DGLUCY: variants seen among roughly 807,000 people sequenced by gnomAD.
DGLUCY encodes the protein D-glutamate cyclase, mitochondrial.
DGLUCY carries 58 observed loss-of-function variants against 58.5 expected under a neutral mutation model. The ratio of observed to expected loss-of-function variants is 0.99; its 90% confidence interval spans 0.80 to 1.23. The LOEUF is 1.23. Among genes scored for constraint, DGLUCY ranks in the 50% most tolerant of loss-of-function variants. DGLUCY has a pLI of 0.00. For missense variants in DGLUCY, 779 were observed against 784.7 expected (o/e 0.99, Z 0.09); for synonymous variants, 325 against 314.1 (o/e 1.03, Z -0.37).
At chr14:91,111,252 A>G (rs534382936), upstream of DGLUCY, among the ~76,000 whole-genome samples, 184 of 133,894 alleles carry the variant, frequency 1.4e-3, 6 homozygotes, top group East Asian at 0.022. Flanking sequence ...GTGTGTGTAT[A>G]TATCTATATA....
intron 1 of DGLUCY, among the ~76,000 whole-genome samples, chr14:91,138,545 AAG>A (rs2046469584): frequency 6.6e-6 from 1 of 152,240 alleles, no homozygotes; most frequent in African/African-American, 2.4e-5. Flanking sequence ...TTATAAAGGA[AAG>A]AGGTCTAATC....
chr14:91,189,274 GAAC>G, intron 9 of DGLUCY, 104 bp downstream of exon 9: 1 of 1,424,660 alleles, frequency 7.0e-7, no homozygotes, highest in Non-Finnish European at 9.6e-7. Flanking sequence ...TTCCAGCTCA[GAAC>G]AACTCCGTTG....
chr14:91,072,290 C>G (rs2043934627), intron 1 of DGLUCY, among the ~76,000 whole-genome samples: 3 of 151,082 alleles, frequency 2.0e-5, no homozygotes, highest in African/African-American at 7.3e-5. Context: ...CACCACTGCA[C>G]TCCAGCGTGA....
Position 91,188,976 on chromosome 14 carries a change from A to AT in DGLUCY, c.1002dup (p.Ala335CysfsTer17). On this transcript the variant is annotated frameshift_variant, in exon 9 of 14. Transcript: ENST00000256324. LOFTEE classifies it high-confidence loss of function. ...CTGAAGGCCTCTCTCTCGCTGTCCC[A>AT]TGCCCGCTCAGTGCTCATCACCACT... The AT allele has an allele frequency of 6.2e-7, 1 of 1,614,184 alleles. No homozygotes were observed. The highest frequency in any genetic ancestry group is 1.6e-4 in the Middle Eastern group (1 of 6,062).
chr14:91,203,631 C>CT (rs2050703250), intron 11 of DGLUCY, among the ~76,000 whole-genome samples: 1 of 151,970 alleles, frequency 6.6e-6, no homozygotes, highest in Non-Finnish European at 1.5e-5. Flanking sequence ...TCTACAGCAC[C>CT]ACCTCAAAGG....
intron 1 of DGLUCY, among the ~76,000 whole-genome samples, chr14:91,092,445 A>C (rs1005176526): frequency 2.0e-5 from 3 of 152,186 alleles, no homozygotes; most frequent in African/African-American, 7.2e-5. Context: ...AAATATGAAG[A>C]TCTCCCTATG....
rs769062151 is a variant in DGLUCY at position 91,181,167 on chromosome 14, C to T, written c.731-19C>T. 3 of 1,612,620 alleles carry T rather than the reference C, an allele frequency of 1.9e-6. No homozygotes were observed. The highest frequency in any genetic ancestry group is 1.3e-5 in the African/African-American group (1 of 74,868). ...TTGATGAAGTGGCTGGGCTCAGACC[C>T]TCCTGCTGTGTGTTTTAGAGACCCC... is the stretch of plus-strand genomic sequence containing the variant. On this transcript the variant is annotated intron_variant, in intron 7 of 13. Coordinates refer to ENST00000256324, the MANE Select transcript of DGLUCY (RefSeq NM_001102368.3).
chr14:91,133,470 G>A (rs189165362), intron 1 of DGLUCY, among the ~76,000 whole-genome samples: 6 of 152,150 alleles, frequency 3.9e-5, no homozygotes, highest in Non-Finnish European at 8.8e-5. Context: ...ATATCTGTTC[G>A]AATCTCTGCT....
intron 3 of DGLUCY, among the ~76,000 whole-genome samples, chr14:91,166,952 C>A (rs981718345): frequency 6.6e-6 from 1 of 152,042 alleles, no homozygotes; most frequent in Non-Finnish European, 1.5e-5. Flanking sequence ...AATAAATATC[C>A]CATGTATATT....
chr14:91,084,375 T>G (rs2044177187), intron 1 of DGLUCY, among the ~76,000 whole-genome samples: 1 of 151,958 alleles, frequency 6.6e-6, no homozygotes, highest in Non-Finnish European at 1.5e-5. Context: ...GGCTAATTTT[T>G]TATATTTTTG....
At position 91,181,227 on chromosome 14, in the gene DGLUCY, A is replaced by G; in HGVS notation, c.772A>G (p.Met258Val). Residue 258 changes from methionine to valine, a missense_variant, in exon 8 of 14, where the codon ATG (methionine) becomes GTG (valine). Physicochemically the swap from Met to Val is conservative, Grantham distance 21. Transcript: ENST00000256324. ...AFASIPGCTV[M>V]TDLKDAKAPP... ...TGCCAGCATCCCAGGCTGCACAGTTATGACTGACCTGAAGGATGCAAAGGC... is the reference window on the plus strand; with the variant it reads ...TGCCAGCATCCCAGGCTGCACAGTTGTGACTGACCTGAAGGATGCAAAGGC... The G allele has an allele frequency of 6.2e-7, 1 of 1,614,154 alleles. No homozygotes were observed.
chr14:91,196,358 T>C lies in DGLUCY; in HGVS notation c.1196-17T>C, dbSNP rs371416690. 3 of 1,610,964 alleles carry C rather than the reference T, an allele frequency of 1.9e-6. No homozygotes were observed. The Admixed American group carries it at 5.0e-5, about 27-fold the overall frequency. ...ACACTAGAGCTGATGTGTGCCCTGC[T>C]TGCCTTTATTTTCAAGGTGTTCTGA... On this transcript the variant is annotated splice_polypyrimidine_tract_variant and intron_variant, in intron 9 of 13. Transcript: ENST00000256324.
intron 1 of DGLUCY, among the ~76,000 whole-genome samples, chr14:91,092,721 T>C (rs1294121855): frequency 2.6e-5 from 4 of 152,148 alleles, no homozygotes; most frequent in Non-Finnish European, 4.4e-5. Context: ...GAGTATGCAA[T>C]TCAACATAAT....
chr14:91,081,074 G>A (rs572943180), intron 1 of DGLUCY, among the ~76,000 whole-genome samples: 24 of 152,290 alleles, frequency 1.6e-4, no homozygotes, highest in Middle Eastern at 6.8e-3. Flanking sequence ...ATGGCGGCAT[G>A]CGCCTGTAGT....
intron 1 of DGLUCY, among the ~76,000 whole-genome samples, chr14:91,155,498 A>T (rs1010784664): frequency 6.6e-6 from 1 of 152,172 alleles, no homozygotes; most frequent in African/African-American, 2.4e-5. Context: ...TAGGCTAGAG[A>T]GTTGACTGAT....
intron 3 of DGLUCY, 83 bp from the exon 4 acceptor site, chr14:91,167,142 A>C (rs2048327832): frequency 7.3e-7 from 1 of 1,368,024 alleles, no homozygotes; most frequent in Admixed American, 2.6e-5. Context: ...TCCGCCTCAA[A>C]AAAAAAAAAA....
At chr14:91,124,073 G>A (rs7149920) in intron 1 of DGLUCY, among the ~76,000 whole-genome samples, 84,020 of 151,528 alleles carry the variant, frequency 0.55, 24,722 homozygotes, top group East Asian at 0.89. Context: ...GACTACAGTC[G>A]CACGCCATCA....
chr14:91,131,797 TTTTA>T (rs888234787), intron 1 of DGLUCY, among the ~76,000 whole-genome samples: 47 of 152,202 alleles, frequency 3.1e-4, no homozygotes, highest in African/African-American at 1.1e-3. Context: ...CCAGTTTTAC[TTTTA>T]TTTATTTATT....
chr14:91,220,269 G>A (rs1003147105), intron 13 of DGLUCY, among the ~76,000 whole-genome samples: 1 of 152,228 alleles, frequency 6.6e-6, no homozygotes, highest in Non-Finnish European at 1.5e-5. Flanking sequence ...CTCGAGTGGG[G>A]CCGTAACAGA....
Sources: allele counts gnomAD v4.1 joint callset (sites outside exome capture counted in the v4.1 genomes callset), GRCh38; gene constraint gnomAD v4.1.1; transcripts MANE v1.5; gene names NCBI Gene and HGNC (gene_info 2026-07-23, HGNC 2026-07-21).